Variants in DDC observed in about 807,000 individuals in gnomAD.
DDC encodes the protein aromatic-L-amino-acid decarboxylase.
In DDC, 43 loss-of-function variants were observed where a neutral mutation model predicts 60.0. The ratio of observed to expected loss-of-function variants is 0.72; its 90% CI spans 0.56 to 0.92. DDC has a LOEUF of 0.92. Ranked by LOEUF, DDC falls within the 40% of genes least tolerant of loss-of-function variation. The pLI, the probability that DDC is intolerant of heterozygous loss-of-function variation, is 0.00. For synonymous variants in DDC, 232 were observed against 234.6 expected (o/e 0.99, Z 0.10); for missense variants, 573 against 620.2 (o/e 0.92, Z 0.81).
At chr7:50,519,352 A>G (rs1037796848) in intron 6 of DDC, among the ~76,000 whole-genome samples, 1 of 152,212 alleles carries the variant, frequency 6.6e-6, no homozygotes, top group Non-Finnish European at 1.5e-5. Context: ...AAAGAACTAA[A>G]AGTAGAACTA....
intron 6 of DDC, among the ~76,000 whole-genome samples, chr7:50,505,181 A>T (rs2043357583): frequency 6.6e-6 from 1 of 152,184 alleles, no homozygotes; most frequent in African/African-American, 2.4e-5. Flanking sequence ...CAGACCCATG[A>T]TGCTCCCAAA....
At chr7:50,480,523 T>C (rs2042744630) in intron 9 of DDC, among the ~76,000 whole-genome samples, 1 of 152,194 alleles carries the variant, frequency 6.6e-6, no homozygotes, top group African/African-American at 2.4e-5. Flanking sequence ...GACAGAACTG[T>C]GGGTAACCTG....
intron 11 of DDC, among the ~76,000 whole-genome samples, chr7:50,472,658 C>A (rs1411416218): frequency 2.0e-5 from 3 of 152,140 alleles, no homozygotes; most frequent in Admixed American, 6.5e-5. Flanking sequence ...TACCCAGGAC[C>A]GTGCAAACTG....
intron 6 of DDC, among the ~76,000 whole-genome samples, chr7:50,516,937 A>T (rs6974583): frequency 0.7 from 106,640 of 151,972 alleles, 37,858 homozygotes; most frequent in East Asian, 0.8. Flanking sequence ...GTGGTAATTT[A>T]AAAATTACCA....
At chr7:50,504,444 A>T (rs2043338557) in intron 6 of DDC, among the ~76,000 whole-genome samples, 1 of 151,704 alleles carries the variant, frequency 6.6e-6, no homozygotes, top group African/African-American at 2.4e-5. Context: ...GTATGTGTGT[A>T]TATTTTTGTT....
chr7:50,510,961 A>G (rs1317967688), intron 6 of DDC, among the ~76,000 whole-genome samples: 3 of 137,640 alleles, frequency 2.2e-5, no homozygotes, highest in Non-Finnish European at 4.6e-5. Flanking sequence ...GGCCTGGGCG[A>G]AAGAGCGAGA....
chr7:50,462,240 A>AT (rs1490288384), intron 14 of DDC, among the ~76,000 whole-genome samples: 4 of 150,686 alleles, frequency 2.7e-5, no homozygotes, highest in African/African-American at 9.7e-5. Flanking sequence ...AAAAAAAAAA[A>AT]AAAAAAAAGA....
intron 6 of DDC, among the ~76,000 whole-genome samples, chr7:50,520,414 C>T (rs1444615614): frequency 6.6e-6 from 1 of 151,664 alleles, no homozygotes; most frequent in Non-Finnish European, 1.5e-5. Context: ...TCAAACAACA[C>T]ATTTTAAGGT....
intron 4 of DDC, among the ~76,000 whole-genome samples, chr7:50,530,147 C>T (rs1390200582): frequency 1.3e-5 from 2 of 151,902 alleles, no homozygotes; most frequent in African/African-American, 4.8e-5. Context: ...CCCAGCTACT[C>T]GAGAGGCTGA....
At chr7:50,540,551 T>G in intron 2 of DDC, among the ~76,000 whole-genome samples, 1 of 150,516 alleles carries the variant, frequency 6.6e-6, no homozygotes, top group East Asian at 1.9e-4. Context: ...GCCACAAACA[T>G]GCATCTGGTC....
rs1436370967 is a variant in DDC at position 50,493,040 on chromosome 7, C to A, written c.944+2310G>T. 2.6e-6 allele frequency: 4 copies of A among 1,540,402 alleles called. No individual in the cohort carries two copies. The Admixed American group carries it at 6.8e-5, about 26-fold the overall frequency. The stretch of plus-strand genomic sequence containing the variant: ...GGACGCCGCATTCATTACACTCCTT[C>A]TTATCGTGTGTCAATATTTGCCTCC... On this transcript the variant is annotated intron_variant, in intron 9 of 14. Coordinates refer to ENST00000444124, the MANE Select transcript of DDC (RefSeq NM_001082971.2).
intron 6 of DDC, among the ~76,000 whole-genome samples, chr7:50,514,970 T>C (rs2043687224): frequency 1.3e-5 from 2 of 152,198 alleles, no homozygotes; most frequent in African/African-American, 4.8e-5. Flanking sequence ...AAGAGAATTC[T>C]AAAAGGTTGG....
intron 1 of DDC, among the ~76,000 whole-genome samples, chr7:50,546,475 A>G (rs10499694): frequency 0.45 from 68,009 of 151,982 alleles, 15,638 homozygotes; most frequent in Non-Finnish European, 0.51. Flanking sequence ...TGAGATACCA[A>G]AAGTGGAAGC....
At chr7:50,552,711 G>A (rs2045045034) in intron 1 of DDC, among the ~76,000 whole-genome samples, 1 of 152,228 alleles carries the variant, frequency 6.6e-6, no homozygotes, top group Admixed American at 6.5e-5. Flanking sequence ...CTGGACAACA[G>A]AGAGCACTGT....
intron 11 of DDC, among the ~76,000 whole-genome samples, chr7:50,470,445 T>C (rs1457118857): frequency 6.6e-6 from 1 of 152,240 alleles, no homozygotes; most frequent in East Asian, 1.9e-4. Context: ...GTTTGCGGCA[T>C]GCACAGCAGG....
At chr7:50,521,327 G>T (rs948263395) in intron 6 of DDC, among the ~76,000 whole-genome samples, 1 of 152,088 alleles carries the variant, frequency 6.6e-6, no homozygotes, top group Admixed American at 6.5e-5. Flanking sequence ...CTAAAACAAA[G>T]AAACCATGCC....
intron 2 of DDC, among the ~76,000 whole-genome samples, chr7:50,540,574 C>T (rs543210905): frequency 1.3e-5 from 2 of 152,316 alleles, no homozygotes; most frequent in African/African-American, 2.4e-5. Flanking sequence ...CCCGCTGCCC[C>T]TGGCTCTTCT....
intron 1 of DDC, among the ~76,000 whole-genome samples, chr7:50,549,032 T>C (rs1029098604): frequency 2.0e-5 from 3 of 152,220 alleles, no homozygotes; most frequent in Non-Finnish European, 4.4e-5. Context: ...AGCACATCTG[T>C]TTACAGTATG....
intron 1 of DDC, among the ~76,000 whole-genome samples, chr7:50,547,429 C>T (rs2044844715): frequency 6.6e-6 from 1 of 152,024 alleles, no homozygotes; most frequent in African/African-American, 2.4e-5. Context: ...GTTGGTCAGG[C>T]TGGTCTTGAA....
Sources: gnomAD v4.1 joint callset for allele counts (sites outside exome capture counted in the v4.1 genomes callset) on GRCh38, gnomAD v4.1.1 for gene constraint, MANE v1.5 for transcripts, NCBI Gene and HGNC (gene_info 2026-07-23, HGNC 2026-07-21) for gene names.